Variants in SPIDR observed in about 807,000 individuals in gnomAD.
SPIDR encodes DNA repair-scaffolding protein.
A neutral mutation model predicts 104.6 loss-of-function variants in SPIDR; 93 were observed. The ratio of observed to expected loss-of-function variants is 0.89; its 90% CI spans 0.75 to 1.06. The LOEUF (loss-of-function observed/expected upper bound fraction) is 1.06. Among genes scored for constraint, SPIDR ranks in the 50% least tolerant of loss-of-function variants. The pLI, the probability that SPIDR is intolerant of heterozygous loss-of-function variation, is 0.00. For missense variants in SPIDR, 1,154 were observed against 1,111.2 expected (o/e 1.04, Z -0.55); for synonymous variants, 431 against 416.9 (o/e 1.03, Z -0.41).
At chr8:47,521,852 T>G (rs894044103) in intron 8 of SPIDR, among the ~76,000 whole-genome samples, 1 of 152,098 alleles carries the variant, frequency 6.6e-6, no homozygotes, top group Non-Finnish European at 1.5e-5. Flanking sequence ...TAATGAAATA[T>G]GTTCCTAGTT....
At chr8:47,472,420 C>T (rs2075829633) in intron 8 of SPIDR, among the ~76,000 whole-genome samples, 2 of 152,286 alleles carry the variant, frequency 1.3e-5, no homozygotes, top group African/African-American at 2.4e-5. Flanking sequence ...TGATGACCAG[C>T]GTTCCAGGAG....
chr8:47,276,128 T>C (rs1288440515), intron 1 of SPIDR, among the ~76,000 whole-genome samples: 11 of 152,338 alleles, frequency 7.2e-5, no homozygotes, highest in African/African-American at 2.6e-4. Flanking sequence ...CCCAAAGTGC[T>C]GGGGTTACAG....
chr8:47,296,538 A>C (rs1176649834), intron 5 of SPIDR, among the ~76,000 whole-genome samples: 1 of 152,068 alleles, frequency 6.6e-6, no homozygotes, highest in African/African-American at 2.4e-5. Context: ...TCCATTGTAT[A>C]TTCTTGGCAC....
chr8:47,506,945 T>C (rs1053315054), intron 8 of SPIDR, among the ~76,000 whole-genome samples: 3 of 152,160 alleles, frequency 2.0e-5, no homozygotes, highest in African/African-American at 4.8e-5. Context: ...CTGCCCATGT[T>C]GTACTTCTAC....
At chr8:47,550,238 T>C (rs568326629) in intron 8 of SPIDR, among the ~76,000 whole-genome samples, 22 of 152,206 alleles carry the variant, frequency 1.4e-4, no homozygotes, top group Non-Finnish European at 2.9e-4. Flanking sequence ...AGGATTGTCT[T>C]TGCTATGCAG....
intron 7 of SPIDR, among the ~76,000 whole-genome samples, chr8:47,427,717 T>A (rs2066653370): frequency 6.6e-6 from 1 of 152,100 alleles, no homozygotes; most frequent in South Asian, 2.1e-4. Flanking sequence ...GTGGATGTGG[T>A]GCCCCACAGT....
chr8:47,604,643 G>T (rs559160913), intron 10 of SPIDR, among the ~76,000 whole-genome samples: 1 of 152,278 alleles, frequency 6.6e-6, no homozygotes, highest in East Asian at 1.9e-4. Flanking sequence ...GGATTGGTTG[G>T]GGGAGGAGCA....
intron 8 of SPIDR, among the ~76,000 whole-genome samples, chr8:47,491,108 T>C (rs139317441): frequency 6.6e-6 from 1 of 152,250 alleles, no homozygotes; most frequent in East Asian, 1.9e-4. Flanking sequence ...CTTCAAACTT[T>C]AAAAAGACGT....
At chr8:47,574,633 A>G (rs1398669220) in intron 8 of SPIDR, among the ~76,000 whole-genome samples, 3 of 152,078 alleles carry the variant, frequency 2.0e-5, no homozygotes, top group Admixed American at 6.6e-5. Context: ...AATAAAAACA[A>G]AAATTACTTG....
At chr8:47,536,660 A>G (rs1034689658) in intron 8 of SPIDR, among the ~76,000 whole-genome samples, 5 of 152,216 alleles carry the variant, frequency 3.3e-5, no homozygotes, top group African/African-American at 9.6e-5. Context: ...CTATAAAACT[A>G]GAATATAAGA....
chr8:47,630,779 A>G (rs954411499), intron 10 of SPIDR, among the ~76,000 whole-genome samples: 1 of 152,174 alleles, frequency 6.6e-6, no homozygotes, highest in African/African-American at 2.4e-5. Context: ...CACGTGACCT[A>G]TAGCCCCCTA....
chr8:47,407,567 A>G (rs1438219990), intron 6 of SPIDR, among the ~76,000 whole-genome samples: 1 of 152,236 alleles, frequency 6.6e-6, no homozygotes, highest in Non-Finnish European at 1.5e-5. Flanking sequence ...GAACTAAGAA[A>G]GAATAGAAAA....
At chr8:47,297,289 A>G (rs1175634098) in intron 5 of SPIDR, among the ~76,000 whole-genome samples, 6 of 152,026 alleles carry the variant, frequency 3.9e-5, no homozygotes, top group Non-Finnish European at 7.4e-5. Context: ...CTTGTTTTTG[A>G]TCATAGAGGA....
At chr8:47,515,926 C>T (rs7829543) in intron 8 of SPIDR, among the ~76,000 whole-genome samples, 13,693 of 152,272 alleles carry the variant, frequency 0.09, 813 homozygotes, top group African/African-American at 0.17. Context: ...TCTCCTGCCT[C>T]AGCCTCCTGA....
chr8:47,698,539 C>T (rs1393507307), intron 11 of SPIDR, among the ~76,000 whole-genome samples: 1 of 152,118 alleles, frequency 6.6e-6, no homozygotes, highest in African/African-American at 2.4e-5. Context: ...TAACTCATAG[C>T]CATTCTTCAG....
intron 8 of SPIDR, among the ~76,000 whole-genome samples, chr8:47,463,029 G>A (rs1794218098): frequency 6.6e-6 from 1 of 152,094 alleles, no homozygotes; most frequent in African/African-American, 2.4e-5. Context: ...AATCTGAATA[G>A]ACCTATAACT....
chr8:47,727,159 A>G, intron 16 of SPIDR, 41 bp from the exon 17 acceptor site: 1 of 1,577,586 alleles, frequency 6.3e-7, no homozygotes, highest in Non-Finnish European at 8.7e-7. Context: ...CAGAGAGGGC[A>G]GAGCCGCCTC....
chr8:47,414,085 T>A (rs1321736004), intron 7 of SPIDR, among the ~76,000 whole-genome samples: 1 of 152,156 alleles, frequency 6.6e-6, no homozygotes, highest in African/African-American at 2.4e-5. Context: ...GCATAGGACA[T>A]AGGTTTGAAG....
intron 5 of SPIDR, among the ~76,000 whole-genome samples, chr8:47,349,753 C>T (rs782417383): frequency 1.8e-4 from 28 of 152,346 alleles, no homozygotes; most frequent in Non-Finnish European, 3.5e-4. Context: ...AGCAAGGGTC[C>T]GTGGGCGTGG....
Sources: gnomAD v4.1 joint callset for allele counts (sites outside exome capture counted in the v4.1 genomes callset) on GRCh38, gnomAD v4.1.1 for gene constraint, MANE v1.5 for transcripts, NCBI Gene and HGNC (gene_info 2026-07-23, HGNC 2026-07-21) for gene names.